Variants in PRPS2 observed in about 807,000 individuals in gnomAD.
PRPS2 encodes ribose-phosphate pyrophosphokinase 2.
For synonymous variants in PRPS2, 111 were observed against 115.3 expected (o/e 0.96, Z 0.24); for missense variants, 104 against 271.5 (o/e 0.38, Z 4.34).
In PRPS2 at chrX:12,794,148, C is replaced by T. The variant is rs140104584; in HGVS notation, c.122+2529C>T. Reference sequence around the variant, plus strand: ...TTACAAATCTGCAATTTGGGAAGGGCTCAGTGAAGAAAGCTTGTTTTTGCC... The same window carrying T: ...TTACAAATCTGCAATTTGGGAAGGGTTCAGTGAAGAAAGCTTGTTTTTGCC... On this transcript the variant is annotated intron_variant, in intron 1 of 6. Transcript: ENST00000380668. Among the ~76,000 whole-genome samples the T allele has an allele frequency of 2.9e-3, 331 of 112,666 alleles. 3 individuals carry two copies. Among genetic ancestry groups the T allele is most frequent in the African/African-American group, 0.01 (322 of 31,011 alleles).
Position 12,820,740 on chromosome X carries a change from G to C in PRPS2, c.801G>C (p.Glu267Asp). The change falls in exon 6 of 7, where the codon GAG (glutamate) becomes GAC (aspartate). Residue 267 changes from glutamate to aspartate, a missense_variant. By Grantham distance (45) the Glu-to-Asp change is conservative. Coordinates refer to ENST00000380668, the MANE Select transcript of PRPS2 (RefSeq NM_002765.5). ...CCAGAATAAATAATGCCGCCTTTGA[G>C]GCTGTTGTCGTCACAAACACAATTC... Reference protein sequence around the residue: ...AISRINNAAFEAVVVTNTIPQ... With the variant: ...AISRINNAAFDAVVVTNTIPQ... 8.3e-7 allele frequency: 1 copy of C among 1,211,458 alleles called. No homozygotes were observed. Among genetic ancestry groups the C allele is most frequent in the Non-Finnish European group, 1.1e-6 (1 of 895,478 alleles).
At chrX:12,800,585 C>G in intron 2 of PRPS2, among the ~76,000 whole-genome samples, 1 of 111,038 alleles carries the variant, frequency 9.0e-6, no homozygotes. Flanking sequence ...CCAGGCTCAG[C>G]GAGAATCCTG....
In PRPS2 at chrX:12,810,189, T is replaced by C. The variant is rs202220107; in HGVS notation, c.530+43T>C. On this transcript the variant is annotated intron_variant, in intron 4 of 6. Transcript: ENST00000380668. Reference sequence around the variant, plus strand: ...CCTTGCAGATTTCTCCATCTGCTGATTGGTTTTTCCTTTTCCGATGTATTA... The same window carrying C: ...CCTTGCAGATTTCTCCATCTGCTGACTGGTTTTTCCTTTTCCGATGTATTA... The C allele has an allele frequency of 2.7e-4, 320 of 1,200,716 alleles. No individual in the cohort carries two copies. In the East Asian group the frequency reaches 2.9e-3, roughly 11 times the overall value.
intron 4 of PRPS2, among the ~76,000 whole-genome samples, chrX:12,817,746 A>G (rs1029623945): frequency 8.9e-6 from 1 of 112,156 alleles, no homozygotes; most frequent in African/African-American, 3.2e-5. Flanking sequence ...GTACTCATCT[A>G]TGCAGCCGTG....
At chrX:12,811,303 C>A (rs191522058) in intron 4 of PRPS2, among the ~76,000 whole-genome samples, 1 of 112,148 alleles carries the variant, frequency 8.9e-6, no homozygotes, top group African/African-American at 3.2e-5. Flanking sequence ...CGTAACAGTA[C>A]GGCAGTGATG....
At chrX:12,791,764 C>T (rs1414007020) in intron 1 of PRPS2, 145 bp downstream of exon 1, 6 of 580,047 alleles carry the variant, frequency 1.0e-5, no homozygotes, top group Admixed American at 8.7e-5. Flanking sequence ...GCGGCCTCCG[C>T]GCCCCCGCGC....
intron 2 of PRPS2, among the ~76,000 whole-genome samples, chrX:12,804,534 G>A (rs1290222399): frequency 9.0e-6 from 1 of 111,212 alleles, no homozygotes; most frequent in Non-Finnish European, 1.9e-5. Context: ...CTGAGAAACT[G>A]TACTTTGGTG....
chrX:12,813,457 G>C (rs760690904), intron 4 of PRPS2, among the ~76,000 whole-genome samples: 1 of 112,465 alleles, frequency 8.9e-6, no homozygotes, highest in Non-Finnish European at 1.9e-5. Context: ...CGAGTCAAAA[G>C]GCATGAGCCA....
chrX:12,820,333 G>A (rs2042669459), intron 5 of PRPS2, among the ~76,000 whole-genome samples: 1 of 111,345 alleles, frequency 9.0e-6, no homozygotes, highest in African/African-American at 3.3e-5. Context: ...TTGTTGTCAC[G>A]GCTGAGGGGT....
chrX:12,815,753 C>T (rs1188685643), intron 4 of PRPS2, among the ~76,000 whole-genome samples: 2 of 111,394 alleles, frequency 1.8e-5, no homozygotes, highest in Non-Finnish European at 3.8e-5. Context: ...AAGCGATTCT[C>T]CCGCCTCAGC....
intron 3 of PRPS2, 97 bp from the exon 4 acceptor site, chrX:12,809,925 G>A: frequency 1.9e-6 from 2 of 1,045,753 alleles, no homozygotes; most frequent in Non-Finnish European, 2.5e-6. Context: ...AACAAAAAAT[G>A]CAAATGTTAT....
intron 2 of PRPS2, among the ~76,000 whole-genome samples, chrX:12,808,061 G>T (rs144336823): frequency 9.1e-6 from 1 of 109,771 alleles, no homozygotes; most frequent in Admixed American, 9.8e-5. Flanking sequence ...TAGAGACAGC[G>T]TTTCACCATG....
At chrX:12,803,902 A>G (rs898443451) in intron 2 of PRPS2, among the ~76,000 whole-genome samples, 5 of 111,246 alleles carry the variant, frequency 4.5e-5, no homozygotes, top group Admixed American at 1.9e-4. Flanking sequence ...AGGGAGCTCT[A>G]TGGATAACTG....
At chrX:12,796,509 G>A (rs370237113) in intron 1 of PRPS2, among the ~76,000 whole-genome samples, 49 of 111,817 alleles carry the variant, frequency 4.4e-4, no homozygotes, top group African/African-American at 1.1e-3. Context: ...GAGCCACCGC[G>A]CCCAGCCTTA....
chrX:12,804,234 G>C (rs7055278), intron 2 of PRPS2, among the ~76,000 whole-genome samples: 7 of 109,078 alleles, frequency 6.4e-5, no homozygotes, highest in African/African-American at 2.3e-4. Context: ...CTCTGCCTCC[G>C]GGGTTCAAGC....
intron 6 of PRPS2, 84 bp downstream of exon 6, chrX:12,820,887 TG>T: frequency 9.6e-7 from 1 of 1,038,816 alleles, no homozygotes; most frequent in East Asian, 3.1e-5. Context: ...TGTGTGTGTG[TG>T]GCTCCTTGCT....
At chrX:12,804,431 C>T (rs182673719) in intron 2 of PRPS2, among the ~76,000 whole-genome samples, 247 of 111,513 alleles carry the variant, frequency 2.2e-3, no homozygotes, top group Non-Finnish European at 3.6e-3. Flanking sequence ...TGTGAACCAC[C>T]GCGCCTGGCC....
Position 12,799,826 on chromosome X carries a change from G to A in PRPS2, c.306+436G>A, listed in dbSNP as rs1188922345. On this transcript the variant is annotated intron_variant, in intron 2 of 6. Transcript: ENST00000380668. ...CAGGGAACTAGGTAAAAGGTTCACA[G>A]GATCTCTGCGTTGTTTCATACAACT... 3.6e-5 allele frequency among the ~76,000 whole-genome samples: 4 copies of A among 111,034 alleles called. No homozygotes were observed. In the Admixed American group the frequency reaches 3.8e-4, roughly 11 times the overall value.
chrX:12,807,970 C>A (rs1374887741), intron 2 of PRPS2, among the ~76,000 whole-genome samples: 1 of 104,319 alleles, frequency 9.6e-6, no homozygotes, highest in Non-Finnish European at 1.9e-5. Flanking sequence ...AGGGTTCAAG[C>A]AATTCTCCTG....
Sources: allele counts gnomAD v4.1 joint callset (sites outside exome capture counted in the v4.1 genomes callset), GRCh38; gene constraint gnomAD v4.1.1; transcripts MANE v1.5; gene names NCBI Gene and HGNC (gene_info 2026-07-23, HGNC 2026-07-21).